Variants in ZNF536 observed in about 807,000 individuals in gnomAD.
ZNF536 encodes zinc finger protein 536.
ZNF536 carries 13 observed loss-of-function variants against 84.5 expected under a neutral mutation model. The observed-to-expected ratio is 0.15, with a 90% CI of 0.10 to 0.24. The LOEUF (loss-of-function observed/expected upper bound fraction) is 0.24. ZNF536 is among the 10% of genes least tolerant of loss of function. The probability of loss-of-function intolerance (pLI) is 1.00; values close to 1 mark genes in which losing one functional copy is unlikely to be tolerated. For synonymous variants in ZNF536, 811 were observed against 742.5 expected, an observed-to-expected ratio of 1.09 and a Z score of -1.50; for missense variants, 1,536 against 1,747.5, an observed-to-expected ratio of 0.88 and a Z score of 2.16.
Position 30,457,739 on chromosome 19 carries a change from G to C in ZNF536, c.2170+12007G>C, listed in dbSNP as rs573294211. Among the ~76,000 whole-genome samples, 464 of 152,316 alleles carry C rather than the reference G, an allele frequency of 3.0e-3. 2 individuals are homozygous for C. The highest frequency in any genetic ancestry group is 0.011 in the African/African-American group (447 of 41,568). On this transcript the variant is annotated intron_variant, in intron 2 of 4. Coordinates refer to ENST00000355537, the MANE Select transcript of ZNF536 (RefSeq NM_014717.3). ...CCTACTGGGACCCTGCAGCTGGAGC[G>C]TGCAGAGAACCTGTGAGGCCCCACA...
At chr19:30,416,737 C>G (rs1213246922) in intron 1 of ZNF536, among the ~76,000 whole-genome samples, 1 of 152,130 alleles carries the variant, frequency 6.6e-6, no homozygotes, top group Non-Finnish European at 1.5e-5. Flanking sequence ...AAACTCTCTC[C>G]TGTGTCTTTC....
chr19:30,357,101 T>C (rs182997197), intron 3 of ZNF536, among the ~76,000 whole-genome samples: 93 of 152,350 alleles, frequency 6.1e-4, no homozygotes, highest in Middle Eastern at 6.8e-3. Flanking sequence ...CCAGTGGATA[T>C]GATGACATCA....
At chr19:30,605,594 G>A (rs534736324) in intron 1 of ZNF536, among the ~76,000 whole-genome samples, 31 of 152,266 alleles carry the variant, frequency 2.0e-4, no homozygotes, top group South Asian at 1.2e-3. Context: ...TGGTTGATGG[G>A]CACTTAGGTT....
chr19:30,452,428 C>T (rs2052649545), intron 2 of ZNF536, among the ~76,000 whole-genome samples: 1 of 152,222 alleles, frequency 6.6e-6, no homozygotes, highest in African/African-American at 2.4e-5. Context: ...CACGTCTGCC[C>T]CTTCTCCCTG....
chr19:30,660,105 G>T (rs2050070694), intron 1 of ZNF536, among the ~76,000 whole-genome samples: 1 of 152,106 alleles, frequency 6.6e-6, no homozygotes, highest in African/African-American at 2.4e-5. Context: ...GTGACAGGCT[G>T]GTCACTTTGC....
At chr19:30,317,493 C>A (rs1568327362) in intron 2 of ZNF536, among the ~76,000 whole-genome samples, 1 of 152,206 alleles carries the variant, frequency 6.6e-6, no homozygotes, top group Non-Finnish European at 1.5e-5. Context: ...GGCTGGAAGT[C>A]CAGCGGCCCG....
At chr19:30,635,065 T>TGGGG (rs55756033) in intron 1 of ZNF536, among the ~76,000 whole-genome samples, 3 of 113,370 alleles carry the variant, frequency 2.6e-5, no homozygotes, top group South Asian at 2.8e-4. Context: ...AGAAGAAAGC[T>TGGGG]GGGTGTGTGT....
chr19:30,351,434 G>A (rs1054092779), intron 2 of ZNF536, among the ~76,000 whole-genome samples: 2 of 152,264 alleles, frequency 1.3e-5, no homozygotes, highest in East Asian at 1.9e-4. Flanking sequence ...AATTACATGC[G>A]CCAACATCTG....
chr19:30,668,939 G>T (rs988577777), intron 1 of ZNF536, among the ~76,000 whole-genome samples: 1 of 152,210 alleles, frequency 6.6e-6, no homozygotes, highest in Non-Finnish European at 1.5e-5. Context: ...AGGTTTAGAA[G>T]GGCCAGGCCA....
chr19:30,314,877 C>T lies in ZNF536; in HGVS notation c.-120+30736C>T, dbSNP rs370675895. 2.1e-4 allele frequency among the ~76,000 whole-genome samples: 32 copies of T among 152,274 alleles called. No individual in the cohort carries two copies. The South Asian group carries it at 6.6e-3, about 32-fold the overall frequency. On this transcript the variant is annotated intron_variant, in intron 2 of 5. Coordinates refer to the ZNF536 transcript ENST00000585628. ...GTCTACACAGGTGGTTCCTGAGCTC[C>T]TGCAGGGTACCCAGCCCCGATCCCC...
intron 2 of ZNF536, among the ~76,000 whole-genome samples, chr19:30,295,790 A>G (rs745708920): frequency 5.3e-5 from 8 of 152,240 alleles, no homozygotes; most frequent in Non-Finnish European, 1.0e-4. Context: ...AAGACTTTTA[A>G]TCATGGGAAT....
intron 1 of ZNF536, among the ~76,000 whole-genome samples, chr19:30,258,509 G>A (rs964259062): frequency 6.6e-6 from 1 of 152,126 alleles, no homozygotes; most frequent in Non-Finnish European, 1.5e-5. Context: ...GCATAGAAAC[G>A]GAAAGTACAT....
intron 2 of ZNF536, among the ~76,000 whole-genome samples, chr19:30,499,083 A>C (rs1357508955): frequency 6.6e-6 from 1 of 151,512 alleles, no homozygotes; most frequent in Non-Finnish European, 1.5e-5. Context: ...TTTTTACTTA[A>C]AATATGTCAT....
At chr19:30,550,540 C>T (rs2045734209) in intron 4 of ZNF536, among the ~76,000 whole-genome samples, 1 of 151,284 alleles carries the variant, frequency 6.6e-6, no homozygotes, top group Admixed American at 6.6e-5. Context: ...AATTTTACTT[C>T]ACCTGTGGAA....
chr19:30,286,079 TCC>T (rs760313612), intron 2 of ZNF536, among the ~76,000 whole-genome samples: 8 of 150,640 alleles, frequency 5.3e-5, no homozygotes, highest in Admixed American at 6.6e-5. Flanking sequence ...TCCTCCTCTC[TCC>T]CTCCTCCTCT....
chr19:30,264,775 A>G (rs959985790), intron 1 of ZNF536, among the ~76,000 whole-genome samples: 7 of 152,040 alleles, frequency 4.6e-5, no homozygotes, highest in Admixed American at 1.3e-4. Context: ...TGCTATTTCT[A>G]TTTTAAACCT....
chr19:30,248,242 G>GTTTTTT (rs2024400519), intron 1 of ZNF536, among the ~76,000 whole-genome samples: 1 of 80,902 alleles, frequency 1.2e-5, no homozygotes, highest in Non-Finnish European at 2.1e-5. Flanking sequence ...TTTTTTTTGC[G>GTTTTTT]ACAGAGTCTT....
intron 3 of ZNF536, among the ~76,000 whole-genome samples, chr19:30,537,464 G>A (rs1295069118): frequency 1.3e-5 from 2 of 152,196 alleles, no homozygotes; most frequent in Non-Finnish European, 2.9e-5. Context: ...ACATTTCCCA[G>A]CCAGGTGGTA....
chr19:30,339,166 G>A (rs181472093), intron 2 of ZNF536, among the ~76,000 whole-genome samples: 3 of 152,324 alleles, frequency 2.0e-5, no homozygotes. Flanking sequence ...ATGTTCTGGA[G>A]CAGTGAAAAA....
Sources: allele counts gnomAD v4.1 joint callset (sites outside exome capture counted in the v4.1 genomes callset), GRCh38; gene constraint gnomAD v4.1.1; transcripts MANE v1.5; gene names NCBI Gene and HGNC (gene_info 2026-07-23, HGNC 2026-07-21).